Variants in ATP10B observed in about 807,000 individuals in gnomAD.
ATP10B encodes the protein ATPase phospholipid transporting 10B (putative), also known as phospholipid-transporting ATPase VB.
In ATP10B, 122 loss-of-function variants were observed where a neutral mutation model predicts 141.2. The ratio of observed to expected loss-of-function variants is 0.86; its 90% CI spans 0.75 to 1.00. ATP10B has a LOEUF of 1.00. Ranked by LOEUF, ATP10B falls within the 50% of genes least tolerant of loss-of-function variation. The probability of loss-of-function intolerance (pLI) is 0.00; values close to 1 mark genes in which losing one functional copy is unlikely to be tolerated. For missense variants in ATP10B, 1,876 were observed against 1,825.3 expected, an observed-to-expected ratio of 1.03 and a Z score of -0.51; for synonymous variants, 685 against 692.0, an observed-to-expected ratio of 0.99 and a Z score of 0.16.
chr5:160,620,560 TG>T lies in ATP10B; in HGVS notation c.2202del (p.Tyr734Ter). ...GGTGTCCGGGACACTAGTGTGAAGC[TG>T]TAGGCATGGGCAGCGTGCACCAGGG... ...EAALVHAAHA[Y>X]SFTLVSRTPE... On this transcript the variant is annotated frameshift_variant, in exon 15 of 26. Coordinates refer to ENST00000327245, the MANE Select transcript of ATP10B (RefSeq NM_025153.3). LOFTEE classifies it high-confidence loss of function. The T allele has an allele frequency of 6.2e-7, 1 of 1,614,072 alleles. No homozygotes were observed. Among genetic ancestry groups the T allele is most frequent in the Non-Finnish European group, 8.5e-7 (1 of 1,179,942 alleles).
chr5:160,674,564 C>G (rs1373900134), intron 6 of ATP10B, among the ~76,000 whole-genome samples: 3 of 152,182 alleles, frequency 2.0e-5, no homozygotes, highest in Non-Finnish European at 4.4e-5. Context: ...TTTCTTTAGA[C>G]ATAATCCTCT....
intron 24 of ATP10B, among the ~76,000 whole-genome samples, chr5:160,580,453 TG>T (rs1755469463): frequency 1.0e-5 from 1 of 98,428 alleles, no homozygotes; most frequent in East Asian, 4.1e-4. Context: ...GTTTATGTGA[TG>T]GATTACATTT....
the ATP10B span, among the ~76,000 whole-genome samples, chr5:160,892,739 T>A: frequency 6.6e-6 from 1 of 152,104 alleles, no homozygotes; most frequent in African/African-American, 2.4e-5. Flanking sequence ...TAAGAGACAA[T>A]ACAGGTATGG....
chr5:160,643,377 A>G (rs998734990), intron 9 of ATP10B, among the ~76,000 whole-genome samples: 5 of 152,192 alleles, frequency 3.3e-5, no homozygotes, highest in African/African-American at 9.7e-5. Context: ...GCAAAGGTAG[A>G]TGCTCCAGAG....
In ATP10B at chr5:160,612,933, G is replaced by A. The variant is rs745522543; in HGVS notation, c.2654-8C>T. 2 of 1,605,510 alleles carry A rather than the reference G, an allele frequency of 1.2e-6. No homozygotes were observed. Among genetic ancestry groups the A allele is most frequent in the Admixed American group, 3.4e-5 (2 of 58,446 alleles). ...CTTCGATCCCAGTGGCTCCTGGAGT[G>A]ATGAAAAACAACAGAGTTCACATTT... On this transcript the variant is annotated splice_polypyrimidine_tract_variant and splice_region_variant and intron_variant, in intron 17 of 25. Coordinates refer to ENST00000327245, the MANE Select transcript of ATP10B (RefSeq NM_025153.3).
At position 160,670,589 on chromosome 5, in the gene ATP10B, A is replaced by C; in HGVS notation, c.549T>G (p.Ile183Met). 2 of 1,613,924 alleles carry C rather than the reference A, an allele frequency of 1.2e-6. No homozygotes were observed. Among genetic ancestry groups the C allele is most frequent in the Non-Finnish European group, 1.7e-6 (2 of 1,179,888 alleles). The change falls in exon 7 of 26, where the codon ATT (isoleucine) becomes ATG (methionine). Residue 183 changes from isoleucine to methionine, a missense_variant. Coordinates refer to ENST00000327245, the MANE Select transcript of ATP10B (RefSeq NM_025153.3). ...AAAGGAGGAGTATGTCTGCTGGGAC[A>C]ATCTCATTGCATTTCATTTGGATGA... ...GDFIQMKCNE[I>M]VPADILLLFS...
the ATP10B span, among the ~76,000 whole-genome samples, chr5:160,892,946 G>A: frequency 6.6e-6 from 1 of 152,140 alleles, no homozygotes; most frequent in Admixed American, 6.5e-5. Flanking sequence ...GCAAGGAGAT[G>A]GGGAACTCCT....
chr5:160,762,512 A>G (rs1385943655), intron 2 of ATP10B, among the ~76,000 whole-genome samples: 1 of 152,204 alleles, frequency 6.6e-6, no homozygotes, highest in African/African-American at 2.4e-5. Flanking sequence ...ACAAATGCTG[A>G]GAGAATTTGC....
chr5:160,610,312 T>C (rs996684210), intron 18 of ATP10B, among the ~76,000 whole-genome samples: 3 of 151,688 alleles, frequency 2.0e-5, no homozygotes, highest in Admixed American at 6.6e-5. Flanking sequence ...GCCCACAGAG[T>C]GAGAAACTGA....
intron 7 of ATP10B, among the ~76,000 whole-genome samples, chr5:160,667,682 G>T (rs940154138): frequency 6.6e-6 from 1 of 152,124 alleles, no homozygotes; most frequent in Non-Finnish European, 1.5e-5. Context: ...AAATAGGCTG[G>T]TCTATAGCAC....
intron 2 of ATP10B, among the ~76,000 whole-genome samples, chr5:160,763,132 C>T (rs150330287): frequency 9.4e-4 from 143 of 152,138 alleles, no homozygotes; most frequent in Non-Finnish European, 1.3e-3. Flanking sequence ...CTTCGGTACT[C>T]GACTGACAGC....
chr5:160,754,724 C>G (rs1768396097), intron 2 of ATP10B, among the ~76,000 whole-genome samples: 2 of 152,132 alleles, frequency 1.3e-5, no homozygotes, highest in South Asian at 4.2e-4. Flanking sequence ...CAGCAGAACC[C>G]TCCTAGTGAT....
intron 3 of ATP10B, among the ~76,000 whole-genome samples, chr5:160,692,131 A>G (rs1178057514): frequency 6.6e-6 from 1 of 152,192 alleles, no homozygotes; most frequent in East Asian, 1.9e-4. Flanking sequence ...TTTTCGGTGG[A>G]GTAGGATTAA....
At chr5:160,839,733 A>G (rs752843196) in intron 1 of ATP10B, among the ~76,000 whole-genome samples, 4 of 152,160 alleles carry the variant, frequency 2.6e-5, no homozygotes, top group Non-Finnish European at 1.5e-5. Context: ...TATAAGAGAC[A>G]TATCTAAAAT....
At chr5:160,593,924 T>C (rs1373961188) in intron 22 of ATP10B, among the ~76,000 whole-genome samples, 1 of 152,206 alleles carries the variant, frequency 6.6e-6, no homozygotes, top group Non-Finnish European at 1.5e-5. Flanking sequence ...TACCTGAAAG[T>C]GACGGGGAGA....
intron 1 of ATP10B, among the ~76,000 whole-genome samples, chr5:160,815,275 T>C (rs369148263): frequency 1.4e-4 from 22 of 151,852 alleles, no homozygotes; most frequent in East Asian, 1.2e-3. Flanking sequence ...AGGCTCAAAA[T>C]AAAGGGATGG....
intron 7 of ATP10B, among the ~76,000 whole-genome samples, chr5:160,657,805 C>T (rs1761611104): frequency 6.6e-6 from 1 of 152,212 alleles, no homozygotes; most frequent in Admixed American, 6.5e-5. Flanking sequence ...TTGTTTACTT[C>T]TGGGTCCCCA....
chr5:160,750,280 G>C (rs139186018), intron 2 of ATP10B, among the ~76,000 whole-genome samples: 1 of 152,166 alleles, frequency 6.6e-6, no homozygotes, highest in East Asian at 1.9e-4. Context: ...AGCTCACACA[G>C]AAGCTTGACA....
intron 24 of ATP10B, among the ~76,000 whole-genome samples, chr5:160,579,875 T>C (rs2193970): frequency 0.79 from 119,499 of 152,114 alleles, 47,079 homozygotes; most frequent in East Asian, 0.85. Flanking sequence ...TGAAGATGTC[T>C]TTCACTTCCC....
Sources: allele counts gnomAD v4.1 joint callset (sites outside exome capture counted in the v4.1 genomes callset), GRCh38; gene constraint gnomAD v4.1.1; transcripts MANE v1.5; gene names NCBI Gene and HGNC (gene_info 2026-07-23, HGNC 2026-07-21).